PRKG1: variants seen among roughly 807,000 people sequenced by gnomAD.
PRKG1 encodes protein kinase cGMP-dependent 1.
PRKG1 carries 35 observed loss-of-function variants against 88.1 expected under a neutral mutation model. The ratio of observed to expected loss-of-function variants is 0.40; its 90% CI spans 0.30 to 0.53. The LOEUF (loss-of-function observed/expected upper bound fraction) is 0.53. PRKG1 is among the 20% of genes least tolerant of loss of function. The probability of loss-of-function intolerance (pLI) is 0.59; values close to 1 mark genes in which losing one functional copy is unlikely to be tolerated. For missense variants in PRKG1, 540 were observed against 839.8 expected, an observed-to-expected ratio of 0.64 and a Z score of 4.41; for synonymous variants, 303 against 292.5, an observed-to-expected ratio of 1.04 and a Z score of -0.37.
At chr10:51,992,273 G>A (rs1844331167) in intron 5 of PRKG1, among the ~76,000 whole-genome samples, 1 of 152,022 alleles carries the variant, frequency 6.6e-6, no homozygotes, top group Non-Finnish European at 1.5e-5. Flanking sequence ...TATAGAAAAT[G>A]TGCACACAGA....
intron 8 of PRKG1, among the ~76,000 whole-genome samples, chr10:52,156,772 C>T (rs939263514): frequency 6.6e-6 from 1 of 151,704 alleles, no homozygotes; most frequent in Admixed American, 6.6e-5. Flanking sequence ...ATGAAGGATC[C>T]CTCTGAAACC....
chr10:51,605,245 G>C (rs1838732809), intron 3 of PRKG1, among the ~76,000 whole-genome samples: 1 of 152,120 alleles, frequency 6.6e-6, no homozygotes, highest in African/African-American at 2.4e-5. Context: ...CACAGGATGG[G>C]GGGGCATGGT....
chr10:51,887,136 C>T (rs747347813), intron 4 of PRKG1, among the ~76,000 whole-genome samples: 4 of 152,148 alleles, frequency 2.6e-5, no homozygotes, highest in Non-Finnish European at 5.9e-5. Flanking sequence ...CAGGCATGCA[C>T]ACCATGCCCA....
chr10:51,124,365 G>T (rs1334754167), intron 1 of PRKG1, among the ~76,000 whole-genome samples: 1 of 152,120 alleles, frequency 6.6e-6, no homozygotes, highest in Non-Finnish European at 1.5e-5. Flanking sequence ...GAAATACTAT[G>T]TGTGTGGGGG....
chr10:51,037,718 G>T (rs999235556), intron 1 of PRKG1, among the ~76,000 whole-genome samples: 4 of 152,012 alleles, frequency 2.6e-5, no homozygotes, highest in African/African-American at 4.8e-5. Context: ...GGGAGGCAGA[G>T]GTTGCAGTGA....
rs564582301 is a variant in PRKG1 at position 52,053,549 on chromosome 10, G to A, written c.763-935G>A. Among the ~76,000 whole-genome samples, 11 of 152,260 alleles carry A rather than the reference G, an allele frequency of 7.2e-5. No individual in the cohort carries two copies. The South Asian group carries it at 2.3e-3, about 32-fold the overall frequency. ...AGCTTCTCTGCTATGCTGCAGAGAA[G>A]GATAGGGCCAGATGGCACAGTTCTC... is the stretch of plus-strand genomic sequence containing the variant. On this transcript the variant is annotated intron_variant, in intron 5 of 17. Coordinates refer to ENST00000373980, the MANE Select transcript of PRKG1 (RefSeq NM_006258.4).
intron 2 of PRKG1, among the ~76,000 whole-genome samples, chr10:51,225,283 T>C (rs929001653): frequency 1.3e-5 from 2 of 152,088 alleles, no homozygotes; most frequent in African/African-American, 4.8e-5. Context: ...GGCCCTCATC[T>C]CATCCATGAG....
chr10:51,153,083 C>G, intron 1 of PRKG1, 81 bp from the exon 2 acceptor site: 1 of 1,183,734 alleles, frequency 8.4e-7, no homozygotes, highest in Non-Finnish European at 1.2e-6. Flanking sequence ...TGTGCCAGAG[C>G]ACTCTATGGC....
At chr10:51,661,040 TTG>T (rs1554829825) in intron 3 of PRKG1, among the ~76,000 whole-genome samples, 1 of 152,074 alleles carries the variant, frequency 6.6e-6, no homozygotes, top group African/African-American at 2.4e-5. Flanking sequence ...ATTGTTGTTG[TTG>T]TTAGAATGGA....
At chr10:52,155,893 C>A (rs748221187) in intron 8 of PRKG1, among the ~76,000 whole-genome samples, 6 of 151,962 alleles carry the variant, frequency 3.9e-5, no homozygotes, top group Non-Finnish European at 7.4e-5. Flanking sequence ...CACTAAGTCA[C>A]TTTTTTATTT....
intron 3 of PRKG1, among the ~76,000 whole-genome samples, chr10:51,475,986 C>T (rs1840182070): frequency 6.6e-6 from 1 of 151,994 alleles, no homozygotes; most frequent in Non-Finnish European, 1.5e-5. Context: ...TACATTACAA[C>T]ATCAAAATAC....
At chr10:51,371,472 T>A (rs941569996) in intron 2 of PRKG1, among the ~76,000 whole-genome samples, 2 of 152,040 alleles carry the variant, frequency 1.3e-5, no homozygotes, top group Non-Finnish European at 2.9e-5. Context: ...GAGAAAAAAC[T>A]GATGTAATGA....
At chr10:52,080,939 A>G (rs1419716015) in intron 7 of PRKG1, among the ~76,000 whole-genome samples, 2 of 152,136 alleles carry the variant, frequency 1.3e-5, no homozygotes, top group Non-Finnish European at 2.9e-5. Flanking sequence ...ACAATTCTGC[A>G]GGGCTATTTA....
At chr10:52,012,985 T>A (rs901793003) in intron 5 of PRKG1, among the ~76,000 whole-genome samples, 17 of 152,184 alleles carry the variant, frequency 1.1e-4, no homozygotes, top group Non-Finnish European at 2.2e-4. Flanking sequence ...AATGTCACAT[T>A]CAGTATTAGA....
chr10:51,213,478 T>A (rs1838288449), intron 2 of PRKG1, among the ~76,000 whole-genome samples: 1 of 151,882 alleles, frequency 6.6e-6, no homozygotes, highest in Admixed American at 6.6e-5. Context: ...ATAAAAAAAA[T>A]GAGTAGTTAT....
intron 5 of PRKG1, among the ~76,000 whole-genome samples, chr10:51,963,203 G>T (rs1843488066): frequency 1.3e-5 from 2 of 152,092 alleles, no homozygotes; most frequent in African/African-American, 4.8e-5. Context: ...ATTTACTGTG[G>T]ATGTATTGAA....
chr10:52,169,304 G>T (rs953894126), intron 9 of PRKG1, among the ~76,000 whole-genome samples: 14 of 152,142 alleles, frequency 9.2e-5, no homozygotes, highest in African/African-American at 3.4e-4. Context: ...AGTTCTGGAG[G>T]CTGTGAAGTC....
chr10:51,606,121 T>A (rs1260365714), intron 3 of PRKG1, among the ~76,000 whole-genome samples: 2 of 152,194 alleles, frequency 1.3e-5, no homozygotes, highest in Non-Finnish European at 2.9e-5. Context: ...TAAACCTAGC[T>A]CAATAGTAAA....
chr10:51,529,090 A>G (rs1589048630), intron 3 of PRKG1, among the ~76,000 whole-genome samples: 1 of 152,224 alleles, frequency 6.6e-6, no homozygotes, highest in Non-Finnish European at 1.5e-5. Context: ...CACAACCTCC[A>G]AATCTCTTCT....
Sources: allele counts gnomAD v4.1 joint callset (sites outside exome capture counted in the v4.1 genomes callset), GRCh38; gene constraint gnomAD v4.1.1; transcripts MANE v1.5; gene names NCBI Gene and HGNC (gene_info 2026-07-23, HGNC 2026-07-21).